Variants in IPPK observed in about 807,000 individuals in gnomAD.
IPPK encodes IPK1 homolog.
In IPPK, 22 loss-of-function variants were observed where a neutral mutation model predicts 64.6. The ratio of observed to expected loss-of-function variants is 0.34; its 90% confidence interval spans 0.24 to 0.49. The LOEUF (loss-of-function observed/expected upper bound fraction) is 0.49, where lower values mean the gene tolerates loss of function less well. Among genes scored for constraint, IPPK ranks in the 20% least tolerant of loss-of-function variants. The pLI is 0.99. For missense variants in IPPK, 532 were observed against 630.7 expected (o/e 0.84, Z 1.68); for synonymous variants, 262 against 247.2 (o/e 1.06, Z -0.56).
chr9:92,660,639 A>C lies in IPPK; in HGVS notation c.82-1958T>G, dbSNP rs1232825168. On this transcript the variant is annotated intron_variant, in intron 1 of 12. Coordinates refer to ENST00000287996, the MANE Select transcript of IPPK (RefSeq NM_022755.6). Reference sequence around the variant, plus strand: ...ACTGTAGCCTCAGAGGAAGGAGTTCAGTGGGCCCATGAACAGAAATACCAA... The same window carrying C: ...ACTGTAGCCTCAGAGGAAGGAGTTCCGTGGGCCCATGAACAGAAATACCAA... Among the ~76,000 whole-genome samples the C allele has an allele frequency of 6.6e-5, 10 of 152,330 alleles. No homozygotes were observed. The East Asian group carries it at 1.7e-3, about 26-fold the overall frequency.
chr9:92,644,950 C>T (rs1159031021), intron 6 of IPPK, among the ~76,000 whole-genome samples: 1 of 152,128 alleles, frequency 6.6e-6, no homozygotes, highest in Non-Finnish European at 1.5e-5. Flanking sequence ...AGACACTGGA[C>T]TTACCAGACA....
Position 92,634,422 on chromosome 9 carries a change from A to C in IPPK, c.1134T>G (p.Thr378=), listed in dbSNP as rs1851900318. ...CGAAGGCCACTGTCCCGTCATCCTC[A>C]GTGGAAAGGTCAAGCAGCTTCTGGT... ...AFYQKLLDLS[T]EDDGTVAFAL... is the part of the protein sequence containing the mutation. Residue 378 remains threonine (T), a synonymous_variant, in exon 11 of 13, where the codon ACT becomes ACG. Coordinates refer to ENST00000287996, the MANE Select transcript of IPPK (RefSeq NM_022755.6). 1.2e-6 allele frequency: 2 copies of C among 1,614,046 alleles called. No homozygotes were observed. The highest frequency in any genetic ancestry group is 1.7e-6 in the Non-Finnish European group (2 of 1,179,982).
intron 8 of IPPK, among the ~76,000 whole-genome samples, chr9:92,640,411 G>GGA (rs1384038301): frequency 6.6e-6 from 1 of 151,814 alleles, no homozygotes; most frequent in Non-Finnish European, 1.5e-5. Flanking sequence ...GCTTATAAGG[G>GGA]GAGACCAAGG....
rs1323319985 is a variant in IPPK at position 92,658,940 on chromosome 9, G to A, written c.82-259C>T. On this transcript the variant is annotated intron_variant, in intron 1 of 12. Transcript: ENST00000287996. ...TTATCTTAAGGAAAGAAATAAAATG[G>A]AAATAACCTAAATGCCCAACAATAA... Among the ~76,000 whole-genome samples the A allele has an allele frequency of 2.0e-5, 3 of 152,196 alleles. No individual in the cohort carries two copies. In the East Asian group the frequency reaches 5.8e-4, roughly 29 times the overall value.
At chr9:92,645,086 A>C (rs998578956) in intron 6 of IPPK, among the ~76,000 whole-genome samples, 1 of 152,176 alleles carries the variant, frequency 6.6e-6, no homozygotes, top group African/African-American at 2.4e-5. Context: ...AGAAATTATA[A>C]AAAGGAACCA....
intron 11 of IPPK, among the ~76,000 whole-genome samples, chr9:92,633,451 G>A (rs929000751): frequency 3.3e-5 from 5 of 151,672 alleles, no homozygotes; most frequent in Non-Finnish European, 5.9e-5. Flanking sequence ...ACAGTTCCCC[G>A]CAGCCTTGAC....
At chr9:92,636,926 A>AC (rs1851953263) in intron 9 of IPPK, among the ~76,000 whole-genome samples, 1 of 152,114 alleles carries the variant, frequency 6.6e-6, no homozygotes, top group Non-Finnish European at 1.5e-5. Flanking sequence ...TGGCTTCCTT[A>AC]AAAGCAATTA....
chr9:92,649,505 A>G lies in IPPK; in HGVS notation c.362T>C (p.Leu121Pro). 3 of 1,614,020 alleles carry G rather than the reference A, an allele frequency of 1.9e-6. No individual in the cohort carries two copies. The highest frequency in any genetic ancestry group is 2.5e-6 in the Non-Finnish European group (3 of 1,179,998). Residue 121 changes from leucine to proline, a missense_variant, in exon 5 of 13, where the codon CTC becomes CCC. Transcript: ENST00000287996. ...YAMCLPNLTR[L>P]QTYRFAEHRP... ...GTGCTCTGCAAAGCGGTAGGTTTGG[A>G]GTCTGGTTAAATTAGGAAGGCACAT...
chr9:92,670,085 G>A lies in IPPK; in HGVS notation c.-97C>T, dbSNP rs1479931181. The A allele has an allele frequency of 4.8e-6, 4 of 838,198 alleles. No individual in the cohort carries two copies. The highest frequency in any genetic ancestry group is 1.8e-5 in the South Asian group (1 of 55,260). The allele number at this position is 838,198 out of a possible 1,614,324, so 51.9% of individuals were successfully genotyped here. ...GGAACCAGCCGCTGCGGTCGGGGGA[G>A]GAGCGCCTGTCAGCTGCCGCCCCCG... On this transcript the variant is annotated 5_prime_UTR_variant, in exon 1 of 13. Coordinates refer to ENST00000287996, the MANE Select transcript of IPPK (RefSeq NM_022755.6).
intron 10 of IPPK, 123 bp from the exon 11 acceptor site, chr9:92,634,611 T>C (rs1370902772): frequency 7.3e-6 from 5 of 686,790 alleles, no homozygotes; most frequent in Non-Finnish European, 1.3e-5. Flanking sequence ...GAAAAACACA[T>C]AACAGATCTA....
Position 92,638,298 on chromosome 9 carries a change from A to C in IPPK, c.637-18T>G. 6.2e-7 allele frequency: 1 copy of C among 1,605,890 alleles called. No individual in the cohort carries two copies. Among genetic ancestry groups the C allele is most frequent in the Non-Finnish European group, 8.5e-7 (1 of 1,174,024 alleles). ...TCACCATTCTTCAGACAGGGAAAAG[A>C]AAGAGGGAAACGTCAAACCACCAAG... On this transcript the variant is annotated intron_variant, in intron 8 of 12. Coordinates refer to ENST00000287996, the MANE Select transcript of IPPK (RefSeq NM_022755.6).
chr9:92,640,437 G>A (rs1852024714), intron 8 of IPPK, among the ~76,000 whole-genome samples: 1 of 152,254 alleles, frequency 6.6e-6, no homozygotes, highest in East Asian at 1.9e-4. Context: ...CCAGCAACTG[G>A]TGGGGCTTTG....
chr9:92,646,852 T>C (rs1249915221), intron 6 of IPPK, among the ~76,000 whole-genome samples: 1 of 151,882 alleles, frequency 6.6e-6, no homozygotes, highest in Non-Finnish European at 1.5e-5. Context: ...AGCTACTCAC[T>C]GCACTCCAGC....
intron 11 of IPPK, among the ~76,000 whole-genome samples, chr9:92,624,905 TAA>T (rs34574363): frequency 3.0e-4 from 41 of 138,974 alleles, no homozygotes; most frequent in Admixed American, 1.1e-3. Flanking sequence ...TACACAGAGC[TAA>T]AAAAAAAAAA....
intron 11 of IPPK, 22 bp downstream of exon 11, chr9:92,634,363 AG>A: frequency 6.4e-7 from 1 of 1,560,140 alleles, no homozygotes; most frequent in Non-Finnish European, 8.8e-7. Context: ...TCACACAGCA[AG>A]TTTTTGGATG....
chr9:92,653,365 C>T (rs1332111442), intron 3 of IPPK, among the ~76,000 whole-genome samples: 3 of 152,164 alleles, frequency 2.0e-5, no homozygotes, highest in Admixed American at 6.5e-5. Flanking sequence ...GCCTTCCCCA[C>T]CCTGCGCCGT....
chr9:92,641,447 T>C (rs1040561002), intron 7 of IPPK, among the ~76,000 whole-genome samples: 1 of 152,164 alleles, frequency 6.6e-6, no homozygotes, highest in Non-Finnish European at 1.5e-5. Context: ...TCTACAACAT[T>C]CCAGGGAGGT....
intron 4 of IPPK, among the ~76,000 whole-genome samples, chr9:92,650,683 A>G (rs1051874942): frequency 6.6e-5 from 10 of 152,076 alleles, no homozygotes; most frequent in Admixed American, 6.5e-5. Flanking sequence ...TAAAACAGTG[A>G]GTTATGTTGG....
At chr9:92,638,736 GC>G (rs1462453869) in intron 8 of IPPK, among the ~76,000 whole-genome samples, 1 of 152,236 alleles carries the variant, frequency 6.6e-6, no homozygotes, top group Non-Finnish European at 1.5e-5. Context: ...TTCAGGCCAC[GC>G]CCAGGGTGAC....
Sources: gnomAD v4.1 joint callset for allele counts (sites outside exome capture counted in the v4.1 genomes callset) on GRCh38, gnomAD v4.1.1 for gene constraint, MANE v1.5 for transcripts, NCBI Gene and HGNC (gene_info 2026-07-23, HGNC 2026-07-21) for gene names.